CREB5: variants seen among roughly 807,000 people sequenced by gnomAD.
CREB5 encodes the protein cAMP responsive element binding protein 5.
In CREB5, 19 loss-of-function variants were observed where a neutral mutation model predicts 57.1. That is an observed-to-expected ratio of 0.33 (90% CI 0.23 to 0.49). The LOEUF is 0.49. Among genes scored for constraint, CREB5 ranks in the 20% least tolerant of loss-of-function variants. The pLI is 0.99. For missense variants in CREB5, 579 were observed against 671.6 expected (o/e 0.86, Z 1.52); for synonymous variants, 238 against 238.3 (o/e 1.00, Z 0.01).
chr7:28,765,711 C>G (rs911153541), intron 7 of CREB5, among the ~76,000 whole-genome samples: 5 of 152,186 alleles, frequency 3.3e-5, no homozygotes, highest in African/African-American at 1.2e-4. Flanking sequence ...GTATTCACAG[C>G]AGAGGTTTCT....
chr7:28,625,044 A>G (rs1479324356), intron 5 of CREB5, among the ~76,000 whole-genome samples: 1 of 150,564 alleles, frequency 6.6e-6, no homozygotes, highest in Admixed American at 6.6e-5. Flanking sequence ...ACAGAGTAAG[A>G]TAAAAGATTT....
At chr7:28,730,462 G>A (rs1277911055) in intron 7 of CREB5, among the ~76,000 whole-genome samples, 2 of 151,978 alleles carry the variant, frequency 1.3e-5, no homozygotes, top group African/African-American at 4.8e-5. Flanking sequence ...TAGGATTACA[G>A]GCATGAGCCA....
chr7:28,802,233 A>G (rs925302521), intron 7 of CREB5, among the ~76,000 whole-genome samples: 2 of 152,118 alleles, frequency 1.3e-5, no homozygotes, highest in African/African-American at 4.8e-5. Flanking sequence ...GAAGTAGACT[A>G]TGTGGCTACC....
At chr7:28,777,377 C>T (rs1175960144) in intron 7 of CREB5, among the ~76,000 whole-genome samples, 2 of 152,136 alleles carry the variant, frequency 1.3e-5, no homozygotes, top group African/African-American at 2.4e-5. Flanking sequence ...AGCCTCAATT[C>T]GATATGGCTT....
intron 7 of CREB5, among the ~76,000 whole-genome samples, chr7:28,732,511 T>C (rs1803704775): frequency 1.3e-5 from 2 of 152,108 alleles, no homozygotes; most frequent in Admixed American, 6.6e-5. Flanking sequence ...CTGTCTGCTT[T>C]GGAACATTGT....
intron 4 of CREB5, among the ~76,000 whole-genome samples, chr7:28,539,816 G>A (rs1794132596): frequency 6.6e-6 from 1 of 152,190 alleles, no homozygotes. Flanking sequence ...CACCTTGTGG[G>A]AACTCAACAA....
At chr7:28,422,304 A>C (rs531899799) in intron 1 of CREB5, among the ~76,000 whole-genome samples, 2 of 152,200 alleles carry the variant, frequency 1.3e-5, no homozygotes, top group South Asian at 4.2e-4. Context: ...GGCTCCAAAG[A>C]GGGAAGAATT....
chr7:28,616,858 A>C (rs1399810256), intron 5 of CREB5, among the ~76,000 whole-genome samples: 1 of 152,248 alleles, frequency 6.6e-6, no homozygotes, highest in Non-Finnish European at 1.5e-5. Flanking sequence ...ATTTCTAAAA[A>C]TGCATTATTT....
Position 28,768,512 on chromosome 7 carries a change from G to A in CREB5, c.703-35687G>A, listed in dbSNP as rs181349546. Among the ~76,000 whole-genome samples, 3 of 152,316 alleles carry A rather than the reference G, an allele frequency of 2.0e-5. No individual in the cohort carries two copies. In the East Asian group the frequency reaches 5.8e-4, roughly 29 times the overall value. Reference sequence around the variant, plus strand: ...TCTGCAGTGTGAGAAGGGAGTTAGAGTTTCAGGAAAACAGATCTTACCTTG... The same window carrying A: ...TCTGCAGTGTGAGAAGGGAGTTAGAATTTCAGGAAAACAGATCTTACCTTG... On this transcript the variant is annotated intron_variant, in intron 7 of 10. Transcript: ENST00000357727.
chr7:28,398,218 G>A (rs1787377797), intron 1 of CREB5, among the ~76,000 whole-genome samples: 1 of 152,072 alleles, frequency 6.6e-6, no homozygotes, highest in Non-Finnish European at 1.5e-5. Context: ...CCTTCATTGT[G>A]TATTTGACTT....
intron 4 of CREB5, among the ~76,000 whole-genome samples, chr7:28,569,887 AG>A (rs1169713268): frequency 2.0e-5 from 3 of 151,202 alleles, no homozygotes; most frequent in African/African-American, 7.3e-5. Context: ...TGATTTGGAA[AG>A]GTAGTCGTTT....
intron 5 of CREB5, among the ~76,000 whole-genome samples, chr7:28,678,791 T>TA (rs1377748009): frequency 2.0e-5 from 3 of 152,222 alleles, no homozygotes; most frequent in Middle Eastern, 3.4e-3. Flanking sequence ...GTTTGGGGTT[T>TA]AAAAAAAATT....
intron 5 of CREB5, among the ~76,000 whole-genome samples, chr7:28,621,629 C>T (rs141175933): frequency 6.6e-6 from 1 of 152,208 alleles, no homozygotes; most frequent in East Asian, 1.9e-4. Flanking sequence ...GAATTCAACC[C>T]CGTTCATTTA....
chr7:28,537,538 A>G (rs1379269248), intron 4 of CREB5, among the ~76,000 whole-genome samples: 3 of 152,166 alleles, frequency 2.0e-5, no homozygotes, highest in Non-Finnish European at 2.9e-5. Context: ...TACTGGATGG[A>G]GTTGAATCAT....
chr7:28,708,280 G>T (rs1174960005), intron 5 of CREB5, among the ~76,000 whole-genome samples: 2 of 152,188 alleles, frequency 1.3e-5, no homozygotes, highest in Non-Finnish European at 2.9e-5. Context: ...GCCCAAGGTT[G>T]CATAGTCCAT....
At chr7:28,622,255 T>A (rs1425898528) in intron 5 of CREB5, among the ~76,000 whole-genome samples, 4 of 140,760 alleles carry the variant, frequency 2.8e-5, no homozygotes, top group African/African-American at 8.5e-5. Context: ...TCTCTCTCTC[T>A]CTCTCACACA....
At chr7:28,818,314 G>C in intron 10 of CREB5, 135 bp downstream of exon 10, 1 of 636,636 alleles carries the variant, frequency 1.6e-6, no homozygotes, top group South Asian at 2.0e-5. Context: ...TTCTTGAGTG[G>C]CTTCCAGACT....
intron 7 of CREB5, among the ~76,000 whole-genome samples, chr7:28,744,704 C>G (rs913598498): frequency 6.6e-6 from 1 of 152,096 alleles, no homozygotes; most frequent in African/African-American, 2.4e-5. Context: ...ACTGAGGTCC[C>G]GGAGTTAGGA....
At chr7:28,455,394 A>T (rs1344118655) in intron 1 of CREB5, among the ~76,000 whole-genome samples, 2 of 152,232 alleles carry the variant, frequency 1.3e-5, no homozygotes, top group Non-Finnish European at 2.9e-5. Context: ...GTAGCATTTG[A>T]ACCAAGCCTT....
Sources: allele counts gnomAD v4.1 joint callset (sites outside exome capture counted in the v4.1 genomes callset), GRCh38; gene constraint gnomAD v4.1.1; transcripts MANE v1.5; gene names NCBI Gene and HGNC (gene_info 2026-07-23, HGNC 2026-07-21).